Variants in NEK7 observed in about 807,000 individuals in gnomAD.
The protein encoded by NEK7 is NIMA related kinase 7, also known as serine/threonine-protein kinase Nek7.
Under a neutral mutation model 44.6 loss-of-function variants are expected in NEK7, and 18 were observed. The ratio of observed to expected loss-of-function variants is 0.40; its 90% CI spans 0.28 to 0.60. NEK7 has a LOEUF of 0.60. Ranked by LOEUF, NEK7 falls within the 20% of genes least tolerant of loss-of-function variation. NEK7 has a pLI of 0.38. For synonymous variants in NEK7, 130 were observed against 121.1 expected (o/e 1.07, Z -0.48); for missense variants, 256 against 366.5 (o/e 0.70, Z 2.46).
At chr1:198,291,930 TATTTAAG>T (rs1468392664) in intron 7 of NEK7, among the ~76,000 whole-genome samples, 3 of 152,164 alleles carry the variant, frequency 2.0e-5, no homozygotes, top group African/African-American at 7.2e-5. Context: ...TTGTTAGTCT[TATTTAAG>T]ATTTATAGTA....
intron 1 of NEK7, among the ~76,000 whole-genome samples, chr1:198,222,207 A>G (rs1666092882): frequency 6.6e-6 from 1 of 152,100 alleles, no homozygotes; most frequent in Non-Finnish European, 1.5e-5. Flanking sequence ...TTTAATGTGT[A>G]TTAGGTTTCT....
chr1:198,177,134 G>C (rs1228255341), intron 1 of NEK7, among the ~76,000 whole-genome samples: 2 of 152,134 alleles, frequency 1.3e-5, no homozygotes, highest in Non-Finnish European at 2.9e-5. Flanking sequence ...AACGATAAAA[G>C]TAGATAAAAT....
chr1:198,289,056 T>G (rs1654464484), intron 7 of NEK7, among the ~76,000 whole-genome samples: 1 of 152,142 alleles, frequency 6.6e-6, no homozygotes, highest in Admixed American at 6.6e-5. Flanking sequence ...CTCTCCATTC[T>G]GTCTGCCAAC....
chr1:198,310,922 C>A (rs1021172922), intron 9 of NEK7, among the ~76,000 whole-genome samples: 2 of 149,376 alleles, frequency 1.3e-5, no homozygotes, highest in Non-Finnish European at 3.0e-5. Flanking sequence ...GCGATGCGGG[C>A]TCTTTTTTGG....
chr1:198,223,985 A>C (rs919158989), intron 1 of NEK7, among the ~76,000 whole-genome samples: 7 of 152,212 alleles, frequency 4.6e-5, no homozygotes, highest in African/African-American at 1.7e-4. Context: ...GGCTCATTGA[A>C]ATAATTTGAG....
chr1:198,228,946 C>T (rs533135803), intron 1 of NEK7, among the ~76,000 whole-genome samples: 3 of 152,060 alleles, frequency 2.0e-5, no homozygotes, highest in African/African-American at 4.8e-5. Context: ...GTCTTGTGCC[C>T]GTTTTCAAAG....
At chr1:198,176,793 T>C (rs1427328326) in intron 1 of NEK7, among the ~76,000 whole-genome samples, 1 of 152,016 alleles carries the variant, frequency 6.6e-6, no homozygotes, top group African/African-American at 2.4e-5. Context: ...CTAGGGACCG[T>C]AGGGGATGAC....
At chr1:198,232,707 C>T (rs1450092796) in intron 2 of NEK7, 70 bp downstream of exon 2, 9 of 830,728 alleles carry the variant, frequency 1.1e-5, no homozygotes, top group African/African-American at 1.7e-5. Context: ...GAAAGTAGTA[C>T]ATTTACAGTT....
intron 1 of NEK7, among the ~76,000 whole-genome samples, chr1:198,212,638 C>T (rs961494157): frequency 6.6e-6 from 1 of 152,194 alleles, no homozygotes; most frequent in African/African-American, 2.4e-5. Flanking sequence ...GGTTTTGCTC[C>T]TCTATCTGCC....
chr1:198,283,331 G>A (rs1230036486), intron 7 of NEK7, among the ~76,000 whole-genome samples: 3 of 152,048 alleles, frequency 2.0e-5, no homozygotes, highest in East Asian at 1.9e-4. Context: ...TGTGTCCTGC[G>A]AGTCTGCATC....
rs545123831 is a variant in NEK7, at chr1:198,258,445, AAAC to A, written c.199-4118_199-4116del. ...AAAGCAAGACTCTCTCAAAAAAGAA[AAAC>A]AACAACAACAAAAACTTGCTTAGTA... On this transcript the variant is annotated intron_variant, in intron 3 of 9. Transcript: ENST00000367385. Among the ~76,000 whole-genome samples the A allele has an allele frequency of 7.2e-5, 11 of 152,306 alleles. 1 individual carries two copies. The South Asian group carries it at 1.9e-3, about 26-fold the overall frequency.
At chr1:198,224,767 C>CA (rs1666167416) in intron 1 of NEK7, among the ~76,000 whole-genome samples, 1 of 151,978 alleles carries the variant, frequency 6.6e-6, no homozygotes, top group Admixed American at 6.6e-5. Flanking sequence ...ATATAACCCA[C>CA]ACAAACAAAA....
At chr1:198,252,046 A>ATG (rs1176055753) in intron 2 of NEK7, among the ~76,000 whole-genome samples, 1 of 151,846 alleles carries the variant, frequency 6.6e-6, no homozygotes, top group Non-Finnish European at 1.5e-5. Flanking sequence ...ACTGCTTTGA[A>ATG]TGTGTCCCAG....
At chr1:198,207,913 T>G (rs182558789) in intron 1 of NEK7, among the ~76,000 whole-genome samples, 1 of 152,310 alleles carries the variant, frequency 6.6e-6, no homozygotes, top group African/African-American at 2.4e-5. Context: ...AATGTTAATA[T>G]AGTTTTTCTT....
Position 198,197,055 on chromosome 1 carries a change from A to T in NEK7, c.-28-35498A>T, listed in dbSNP as rs531407009. On this transcript the variant is annotated intron_variant, in intron 1 of 9. Coordinates refer to ENST00000367385, the MANE Select transcript of NEK7 (RefSeq NM_133494.3). ...AGATGTATTTGTTTGGTGAATTAAT[A>T]CATGAAGATTATCATGAGAATTATA... 5.9e-5 allele frequency among the ~76,000 whole-genome samples: 9 copies of T among 152,348 alleles called. No homozygotes were observed. The South Asian group carries it at 1.4e-3, about 25-fold the overall frequency.
At chr1:198,212,806 G>A (rs565360899) in intron 1 of NEK7, among the ~76,000 whole-genome samples, 5 of 152,342 alleles carry the variant, frequency 3.3e-5, no homozygotes, top group Admixed American at 6.5e-5. Context: ...CCGGCTGGAG[G>A]CCAACCAGCA....
intron 1 of NEK7, among the ~76,000 whole-genome samples, chr1:198,158,481 A>C (rs184066684): frequency 6.6e-6 from 1 of 152,328 alleles, no homozygotes; most frequent in African/African-American, 2.4e-5. Flanking sequence ...AGGTTGCATT[A>C]GAGAATTAAA....
chr1:198,227,400 G>A (rs927914859), intron 1 of NEK7, among the ~76,000 whole-genome samples: 4 of 151,972 alleles, frequency 2.6e-5, no homozygotes, highest in Non-Finnish European at 5.9e-5. Context: ...GGGATGGCTG[G>A]GTCAAATGGC....
intron 1 of NEK7, among the ~76,000 whole-genome samples, chr1:198,164,663 A>G (rs1664212492): frequency 6.6e-6 from 1 of 152,212 alleles, no homozygotes. Flanking sequence ...GATCATCTGA[A>G]CCTTCAGCAG....
Sources: allele counts gnomAD v4.1 joint callset (sites outside exome capture counted in the v4.1 genomes callset), GRCh38; gene constraint gnomAD v4.1.1; transcripts MANE v1.5; gene names NCBI Gene and HGNC (gene_info 2026-07-23, HGNC 2026-07-21).